Variants in C16orf96 observed in about 807,000 individuals in gnomAD.
The protein encoded by C16orf96 is chromosome 16 open reading frame 96.
C16orf96 carries 108 observed loss-of-function variants against 103.6 expected under a neutral mutation model. The observed-to-expected ratio is 1.04, with a 90% CI of 0.89 to 1.22. The LOEUF (loss-of-function observed/expected upper bound fraction) is 1.22. Ranked by LOEUF, C16orf96 falls within the 50% of genes most tolerant of loss-of-function variation. The probability of loss-of-function intolerance (pLI) is 0.00; values close to 1 mark genes in which losing one functional copy is unlikely to be tolerated. For missense variants in C16orf96, 1,586 were observed against 1,464.2 expected, an observed-to-expected ratio of 1.08 and a Z score of -1.36; for synonymous variants, 566 against 593.5, an observed-to-expected ratio of 0.95 and a Z score of 0.67.
chr16:4,562,039 C>G (rs1305726634), intron 1 of C16orf96, among the ~76,000 whole-genome samples: 1 of 152,050 alleles, frequency 6.6e-6, no homozygotes, highest in Non-Finnish European at 1.5e-5. Context: ...TTGTAGAAAA[C>G]CTTTAACTTA....
At chr16:4,592,462 G>A (rs1459481440) in intron 11 of C16orf96, 95 bp downstream of exon 11, 14 of 1,381,682 alleles carry the variant, frequency 1.0e-5, no homozygotes, top group African/African-American at 5.7e-5. Flanking sequence ...TTCCATGCAC[G>A]CTGTGTGTCT....
intron 9 of C16orf96, among the ~76,000 whole-genome samples, chr16:4,589,216 T>C (rs1466154328): frequency 1.3e-5 from 2 of 152,072 alleles, no homozygotes; most frequent in Non-Finnish European, 2.9e-5. Context: ...CCTCCCACAT[T>C]GAATGGGACC....
At chr16:4,555,325 A>G (rs973630184), upstream of C16orf96, among the ~76,000 whole-genome samples, 68 of 81,338 alleles carry the variant, frequency 8.4e-4, no homozygotes, top group Admixed American at 1.5e-3. Flanking sequence ...AAAATGGAAC[A>G]CTGTGGGGGG....
rs62037095 is a variant in C16orf96, at chr16:4,596,262, G to A, written c.3127+1459G>A. On this transcript the variant is annotated intron_variant, in intron 14 of 15. Coordinates refer to ENST00000444310, the MANE Select transcript of C16orf96 (RefSeq NM_001145011.2). ...AGCACTTTGGGAGACCGAGGCGGGC[G>A]GATCACAAGGTCAGGAGTTCAAGAC... is the stretch of plus-strand genomic sequence containing the variant. Among the ~76,000 whole-genome samples the A allele has an allele frequency of 6.1e-3, 930 of 152,160 alleles. 8 individuals carry two copies. Among genetic ancestry groups the A allele is most frequent in the Non-Finnish European group, 9.8e-3 (669 of 68,012 alleles).
the C16orf96 span, among the ~76,000 whole-genome samples, chr16:4,550,828 C>T: frequency 1.3e-5 from 2 of 152,216 alleles, no homozygotes; most frequent in Non-Finnish European, 2.9e-5. Flanking sequence ...TATATTCAGG[C>T]CAGATTTTTT....
chr16:4,592,221 G>T, intron 10 of C16orf96, 84 bp from the exon 11 acceptor site: 1 of 1,518,274 alleles, frequency 6.6e-7, no homozygotes, highest in Non-Finnish European at 8.9e-7. Context: ...GAGGGATGCA[G>T]CCCTGGGGCT....
chr16:4,562,703 A>G, intron 1 of C16orf96: 1 of 459,700 alleles, frequency 2.2e-6, no homozygotes, highest in Non-Finnish European at 3.9e-6. Context: ...ATTCTTCTGC[A>G]ATCCAAACAT....
At chr16:4,548,590 C>T in the C16orf96 span, among the ~76,000 whole-genome samples, 2 of 152,134 alleles carry the variant, frequency 1.3e-5, no homozygotes, top group Non-Finnish European at 2.9e-5. Flanking sequence ...AGCAGGAGCT[C>T]AGCTGGGCGT....
intron 1 of C16orf96, chr16:4,563,060 G>A (rs1337122675): frequency 2.3e-6 from 2 of 854,488 alleles, no homozygotes; most frequent in East Asian, 2.5e-5. Flanking sequence ...AGCTCTCCAA[G>A]TTTCGCCTGT....
At chr16:4,559,162 G>A (rs1267663755) in intron 1 of C16orf96, among the ~76,000 whole-genome samples, 1 of 152,084 alleles carries the variant, frequency 6.6e-6, no homozygotes, top group Non-Finnish European at 1.5e-5. Flanking sequence ...AGCCAGAACT[G>A]TGCCCGTTGG....
At chr16:4,539,959 T>C in the C16orf96 span, among the ~76,000 whole-genome samples, 12 of 152,310 alleles carry the variant, frequency 7.9e-5, no homozygotes, top group East Asian at 2.3e-3. Flanking sequence ...GCAGCTTATC[T>C]ACCAAATTAC....
At position 4,556,880 on chromosome 16, in the gene C16orf96, G is replaced by A; in HGVS notation, c.391G>A (p.Val131Met). The change falls in exon 1 of 16, where the codon GTG (valine) becomes ATG (methionine). Residue 131 changes from valine (V) to methionine (M), a missense_variant. By Grantham distance (21) the Val-to-Met change is conservative. Transcript: ENST00000444310. ...GCATCTGATCAAGCTCCGGAAGATG[G>A]TGGAGGGTCATGATGAAGTCATGGC... ...LWHLIKLRKM[V>M]EGHDEVMAKS... The A allele has an allele frequency of 6.5e-7, 1 of 1,549,248 alleles. No homozygotes were observed. The highest frequency in any genetic ancestry group is 8.7e-7 in the Non-Finnish European group (1 of 1,145,182).
Position 4,600,550 on chromosome 16 carries a change from C to CT in C16orf96, c.*233_*234insT, listed in dbSNP as rs1314004436. On this transcript the variant is annotated 3_prime_UTR_variant, in exon 16 of 16. Coordinates refer to ENST00000444310, the MANE Select transcript of C16orf96 (RefSeq NM_001145011.2). ...GAGGCTGAGACCCATATGCCCCCCC[C>CT]ACCCCCACCAAGTCCCGTCCCCGGC... 1.3e-5 allele frequency: 6 copies of CT among 469,974 alleles called. No individual in the cohort carries two copies. Among genetic ancestry groups the CT allele is most frequent in the Admixed American group, 3.4e-5 (1 of 29,158 alleles). The allele number at this position is 469,974 out of a possible 1,614,324, so 29.1% of individuals were successfully genotyped here.
chr16:4,552,132 C>T (rs2059231636), upstream of C16orf96, among the ~76,000 whole-genome samples: 1 of 152,124 alleles, frequency 6.6e-6, no homozygotes, highest in African/African-American at 2.4e-5. Flanking sequence ...CTTTTTATAG[C>T]AATGGTTTCA....
chr16:4,582,361 A>C (rs564328889), intron 7 of C16orf96, among the ~76,000 whole-genome samples: 3 of 152,132 alleles, frequency 2.0e-5, no homozygotes, highest in South Asian at 4.2e-4. Flanking sequence ...GAAGGCTTCC[A>C]AGTCGGGGGG....
intron 7 of C16orf96, among the ~76,000 whole-genome samples, chr16:4,582,442 C>T (rs1896810724): frequency 6.6e-6 from 1 of 152,092 alleles, no homozygotes; most frequent in Admixed American, 6.6e-5. Flanking sequence ...ATGGCTGACC[C>T]CAAGGCTGGC....
rs559876096 is a variant in C16orf96 at position 4,587,286 on chromosome 16, G to A, written c.2427+173G>A. 2.6e-5 allele frequency among the ~76,000 whole-genome samples: 4 copies of A among 152,328 alleles called. No individual in the cohort carries two copies. In the South Asian group the frequency reaches 8.3e-4, roughly 32 times the overall value. ...TGCCTGTAATCCCAGCACTTTGGGA[G>A]GCCAAGGCGGGTGGATCACCTGAGG... is the stretch of plus-strand genomic sequence containing the variant. On this transcript the variant is annotated intron_variant, in intron 8 of 15. Transcript: ENST00000444310.
At chr16:4,592,154 C>T in intron 10 of C16orf96, 151 bp from the exon 11 acceptor site, 1 of 902,574 alleles carries the variant, frequency 1.1e-6, no homozygotes, top group Non-Finnish European at 1.7e-6. Context: ...AGAGAAACCA[C>T]AAGAGTGGTT....
chr16:4,581,319 G>T (rs2141734894), intron 7 of C16orf96, among the ~76,000 whole-genome samples: 1 of 147,236 alleles, frequency 6.8e-6, no homozygotes, highest in Non-Finnish European at 1.5e-5. Flanking sequence ...TGGGCAACAA[G>T]AGCGAAACTC....
Sources: allele counts gnomAD v4.1 joint callset (sites outside exome capture counted in the v4.1 genomes callset), GRCh38; gene constraint gnomAD v4.1.1; transcripts MANE v1.5; gene names NCBI Gene and HGNC (gene_info 2026-07-23, HGNC 2026-07-21).